DICER1: variants seen among roughly 807,000 people sequenced by gnomAD.
The protein encoded by DICER1 is dicer 1, ribonuclease III.
DICER1 carries 43 observed loss-of-function variants against 194.1 expected under a neutral mutation model. The ratio of observed to expected loss-of-function variants is 0.22; its 90% CI spans 0.17 to 0.29. The LOEUF (loss-of-function observed/expected upper bound fraction) is 0.29. Ranked by LOEUF, DICER1 falls within the 10% of genes least tolerant of loss-of-function variation. The probability of loss-of-function intolerance (pLI) is 1.00; values close to 1 mark genes in which losing one functional copy is unlikely to be tolerated. For missense variants in DICER1, 1,608 were observed against 2,317.0 expected (o/e 0.69, Z 6.28); for synonymous variants, 832 against 820.5 (o/e 1.01, Z -0.24).
intron 9 of DICER1, 76 bp downstream of exon 9, chr14:95,117,546 A>G: frequency 6.8e-7 from 1 of 1,479,260 alleles, no homozygotes; most frequent in Non-Finnish European, 9.4e-7. Context: ...ACTATGAAAA[A>G]AGGGAGACCC....
intron 6 of DICER1, among the ~76,000 whole-genome samples, chr14:95,127,853 GC>G (rs1344611002): frequency 2.0e-5 from 3 of 152,084 alleles, no homozygotes; most frequent in African/African-American, 7.2e-5. Flanking sequence ...TCCATCTTTT[GC>G]CCCCTTAGGC....
rs776158166 is a variant in DICER1, at chr14:95,124,296, C to T, written c.1276G>A (p.Glu426Lys). 6.2e-7 allele frequency: 1 copy of T among 1,613,894 alleles called. No individual in the cohort carries two copies. The highest frequency in any genetic ancestry group is 1.1e-5 in the South Asian group (1 of 91,076). The change falls in exon 8 of 27, where the codon GAA (glutamate) becomes AAA (lysine). Residue 426 changes from glutamate to lysine, a missense_variant. Glu to Lys is a moderately conservative substitution (Grantham distance 56). Around this residue, in one of 10 missense-constraint regions of DICER1, gnomAD observed 657 missense variants for 910.1 expected, o/e 0.72. Coordinates refer to ENST00000343455, the MANE Select transcript of DICER1 (RefSeq NM_177438.3). This position sits in a 1 kb window ranked among gnomAD's most constrained non-coding sequence, Gnocchi z 4.5. ...EDDDEDEEIE[E>K]KEKPETNFPS... ...AAATTTGTCTCTGGCTTCTCTTTTT[C>T]TTCAATTTCTTCATCCTCATCATCA...
At chr14:95,152,890 T>C (rs1895602824) in intron 1 of DICER1, among the ~76,000 whole-genome samples, 1 of 152,116 alleles carries the variant, frequency 6.6e-6, no homozygotes, top group Non-Finnish European at 1.5e-5. Flanking sequence ...ATACAACCAG[T>C]CTTACTTTTT....
intron 8 of DICER1, among the ~76,000 whole-genome samples, chr14:95,120,264 C>T (rs1354525125): frequency 3.3e-5 from 5 of 152,124 alleles, no homozygotes; most frequent in Non-Finnish European, 5.9e-5. Context: ...AAAAAGATCA[C>T]TGACAGTTAC....
intron 1 of DICER1, among the ~76,000 whole-genome samples, chr14:95,137,410 A>G (rs553235714): frequency 1.4e-4 from 21 of 145,326 alleles, no homozygotes; most frequent in African/African-American, 5.4e-4. Context: ...AAAGGGAAAG[A>G]AAAAGGGGAA....
rs1891080663 is a variant in DICER1 at position 95,103,462 on chromosome 14, G to A, written c.3934C>T (p.Leu1312=). 2 of 1,614,198 alleles carry A rather than the reference G, an allele frequency of 1.2e-6. No homozygotes were observed. The highest frequency in any genetic ancestry group is 2.7e-5 in the African/African-American group (2 of 75,052). Residue 1312 remains leucine, a synonymous_variant, in exon 21 of 27, where the codon CTG becomes TTG. Transcript: ENST00000343455. ...TLSNASDGFN[L]ERLEMLGDSF... ...TCGCCAAGCATTTCAAGCCGCTCCA[G>A]GTTAAATCCATCACTAGCGTTTGAC... is the stretch of plus-strand genomic sequence containing the variant.
intron 14 of DICER1, among the ~76,000 whole-genome samples, chr14:95,109,955 C>G (rs1202737496): frequency 1.3e-5 from 2 of 152,134 alleles, no homozygotes; most frequent in Non-Finnish European, 2.9e-5. Context: ...ATATCTTAAA[C>G]TATCATAAAT....
At chr14:95,122,337 A>C (rs1490305158) in intron 8 of DICER1, among the ~76,000 whole-genome samples, 1 of 152,194 alleles carries the variant, frequency 6.6e-6, no homozygotes, top group Non-Finnish European at 1.5e-5. Context: ...AAGCCCCAGA[A>C]AATTTATTTA....
At chr14:95,115,917 A>ATC in intron 10 of DICER1, 96 bp from the exon 11 acceptor site, 2 of 1,231,630 alleles carry the variant, frequency 1.6e-6, no homozygotes, top group Non-Finnish European at 2.4e-6. Flanking sequence ...TCCTGAAAAT[A>ATC]TCTCTCTCTC....
chr14:95,110,847 CA>C (rs1424326518), intron 14 of DICER1, among the ~76,000 whole-genome samples: 4 of 152,148 alleles, frequency 2.6e-5, no homozygotes, highest in African/African-American at 9.7e-5. Flanking sequence ...CAATGGCCCA[CA>C]CTGGGAATCT....
intron 1 of DICER1, among the ~76,000 whole-genome samples, chr14:95,145,712 G>A (rs1407727951): frequency 6.6e-6 from 1 of 151,308 alleles, no homozygotes; most frequent in African/African-American, 2.4e-5. Flanking sequence ...TTAAACACTG[G>A]TATCTTTGCA....
intron 21 of DICER1, among the ~76,000 whole-genome samples, chr14:95,101,712 T>A (rs1890893140): frequency 6.6e-6 from 1 of 152,140 alleles, no homozygotes; most frequent in South Asian, 2.1e-4. Flanking sequence ...TTGGACACAC[T>A]CCTGACTCTC....
chr14:95,150,622 G>T (rs558421854), intron 1 of DICER1, among the ~76,000 whole-genome samples: 7 of 152,182 alleles, frequency 4.6e-5, no homozygotes, highest in Non-Finnish European at 8.8e-5. Context: ...TTGAAGCAAG[G>T]ATCATTAATG....
At chr14:95,134,469 T>C (rs1377119444) in intron 1 of DICER1, 1 of 152,242 alleles carries the variant, frequency 6.6e-6, no homozygotes, top group Non-Finnish European at 1.5e-5. Context: ...TCTCTTGCAC[T>C]GCTTTGGAGT....
At chr14:95,097,475 C>G (rs1373448750) in intron 22 of DICER1, among the ~76,000 whole-genome samples, 3 of 152,138 alleles carry the variant, frequency 2.0e-5, no homozygotes, top group Non-Finnish European at 4.4e-5. Context: ...CACAACAATC[C>G]AATTTCTGTC....
chr14:95,100,749 C>T (rs947417244), intron 21 of DICER1, among the ~76,000 whole-genome samples: 9 of 152,116 alleles, frequency 5.9e-5, no homozygotes, highest in Non-Finnish European at 1.3e-4. Context: ...ACTTCATTAG[C>T]CCTCTTCCCA....
At chr14:95,090,796 C>T (rs534721039) in intron 26 of DICER1, 133 bp from the exon 27 acceptor site, 19 of 1,144,372 alleles carry the variant, frequency 1.7e-5, no homozygotes, top group Admixed American at 5.4e-5. Context: ...ACACGCGTTA[C>T]GACTTACTGC....
intron 8 of DICER1, among the ~76,000 whole-genome samples, chr14:95,121,785 C>T (rs1232218617): frequency 6.6e-6 from 1 of 152,054 alleles, no homozygotes; most frequent in East Asian, 1.9e-4. Flanking sequence ...GTGAATATGT[C>T]TTAAATATAT....
At position 95,124,403 on chromosome 14, in the gene DICER1, T is replaced by C. The variant is rs2140204153; in HGVS notation, c.1169A>G (p.Tyr390Cys). ...LLEILRKYKP[Y>C]ERQQFESVEW... ...AACGCTTTCAAACTGCTGTCGCTCA[T>C]ATGGTTTATATTTGCGTAAGATTTC... The change falls in exon 8 of 27, where the codon TAT (tyrosine) becomes TGT (cysteine). Residue 390 changes from tyrosine (Y) to cysteine (C), a missense_variant. Coordinates refer to ENST00000343455, the MANE Select transcript of DICER1 (RefSeq NM_177438.3). This position sits in a 1 kb window ranked among gnomAD's most constrained non-coding sequence, Gnocchi z 4.5. The C allele has an allele frequency of 1.2e-6, 2 of 1,614,114 alleles. No individual in the cohort carries two copies. Among genetic ancestry groups the C allele is most frequent in the Non-Finnish European group, 1.7e-6 (2 of 1,180,042 alleles).
Sources: gnomAD v4.1 joint callset for allele counts (sites outside exome capture counted in the v4.1 genomes callset) on GRCh38, gnomAD v4.1.1 for gene constraint, gnomAD v4.1.1 regional missense constraint, Gnocchi (gnomAD v3.1) non-coding constraint, MANE v1.5 for transcripts, NCBI Gene and HGNC (gene_info 2026-07-23, HGNC 2026-07-21) for gene names.